Variants in PINX1 observed in about 807,000 individuals in gnomAD.
PINX1 encodes PIN2/TERF1-interacting telomerase inhibitor 1.
Under a neutral mutation model 25.4 loss-of-function variants are expected in PINX1, and 34 were observed. The observed-to-expected ratio is 1.34, with a 90% confidence interval of 1.02 to 1.78. The LOEUF (loss-of-function observed/expected upper bound fraction) is 1.78, where lower values mean the gene tolerates loss of function less well. PINX1 is among the 40% of genes most tolerant of loss of function. The pLI, the probability that PINX1 is intolerant of heterozygous loss-of-function variation, is 0.00. For missense variants in PINX1, 592 were observed against 404.9 expected (o/e 1.46, Z -3.97); for synonymous variants, 197 against 147.7 (o/e 1.33, Z -2.42).
chr8:10,839,709 T>C, intron 1 of PINX1, 29 bp downstream of exon 1: 33 of 1,597,458 alleles, frequency 2.1e-5, no homozygotes, highest in Non-Finnish European at 2.8e-5. Flanking sequence ...CCAACGCGCC[T>C]GGGTCGGGCC....
At chr8:10,829,201 G>C (rs552706128) in intron 4 of PINX1, among the ~76,000 whole-genome samples, 3 of 149,552 alleles carry the variant, frequency 2.0e-5, no homozygotes, top group African/African-American at 7.4e-5. Flanking sequence ...CAGGAGAATC[G>C]CTTGAACCCG....
intron 6 of PINX1, among the ~76,000 whole-genome samples, chr8:10,801,206 G>C (rs73208757): frequency 3.9e-5 from 6 of 152,094 alleles, no homozygotes; most frequent in African/African-American, 1.2e-4. Context: ...GGAAGGAAGG[G>C]GGAAGTGAAT....
intron 6 of PINX1, among the ~76,000 whole-genome samples, chr8:10,813,887 T>C: frequency 9.7e-6 from 1 of 103,572 alleles, no homozygotes; most frequent in South Asian, 3.1e-4. Flanking sequence ...ACTGGGAAGG[T>C]GGGGGAGGGA....
intron 6 of PINX1, among the ~76,000 whole-genome samples, chr8:10,818,046 C>A (rs1364989606): frequency 1.3e-5 from 2 of 152,240 alleles, no homozygotes; most frequent in South Asian, 4.1e-4. Context: ...TTGTTTAAAG[C>A]TCATTAGGCA....
chr8:10,823,855 C>A (rs908900785), intron 5 of PINX1, among the ~76,000 whole-genome samples: 2 of 152,090 alleles, frequency 1.3e-5, no homozygotes, highest in African/African-American at 4.8e-5. Context: ...AATGATACAG[C>A]TGATATTTAG....
At chr8:10,810,407 C>T (rs1797460974) in intron 6 of PINX1, among the ~76,000 whole-genome samples, 1 of 152,166 alleles carries the variant, frequency 6.6e-6, no homozygotes, top group African/African-American at 2.4e-5. Flanking sequence ...GAACTCCTAC[C>T]CTTCAGGCCT....
At position 10,831,553 on chromosome 8, in the gene PINX1, C is replaced by T. The variant is rs1274060318; in HGVS notation, c.301+112G>A. On this transcript the variant is annotated intron_variant, in intron 4 of 6. Coordinates refer to ENST00000314787, the MANE Select transcript of PINX1 (RefSeq NM_017884.6). ...TGTGCACAGGTATTGACATATCACACTATACTCAATAAATATGTATAATTA... is the reference window on the plus strand; with the variant it reads ...TGTGCACAGGTATTGACATATCACATTATACTCAATAAATATGTATAATTA... 5.6e-6 allele frequency: 4 copies of T among 713,950 alleles called. No individual in the cohort carries two copies. The East Asian group carries it at 8.1e-5, about 14-fold the overall frequency. The allele number at this position is 713,950 out of a possible 1,614,324, so 44.2% of individuals were successfully genotyped here. A position where few individuals can be genotyped will look rare whatever the true frequency, so the allele number is the denominator to read the frequency against.
rs373709293 is a variant in PINX1 at position 10,766,638 on chromosome 8, A to G, written c.472-722T>C. Among the ~76,000 whole-genome samples the G allele has an allele frequency of 1.6e-4, 24 of 152,320 alleles. No homozygotes were observed. The East Asian group carries it at 2.7e-3, about 17-fold the overall frequency. ...GAGAAATGCCCCCTCCTTCCCTAAC[A>G]AAAACTGTATACTCGGGACTGTGTT... On this transcript the variant is annotated intron_variant, in intron 6 of 6. Transcript: ENST00000314787.
chr8:10,811,504 G>A (rs1014894884), intron 6 of PINX1, among the ~76,000 whole-genome samples: 4 of 152,178 alleles, frequency 2.6e-5, no homozygotes, highest in Admixed American at 2.0e-4. Context: ...GACACTCAGT[G>A]GCTTCAAACA....
intron 6 of PINX1, among the ~76,000 whole-genome samples, chr8:10,809,568 A>G (rs1802561705): frequency 6.6e-6 from 1 of 152,214 alleles, no homozygotes; most frequent in South Asian, 2.1e-4. Context: ...CACTCCAGCC[A>G]GCCAATATCC....
At chr8:10,825,311 G>T in intron 5 of PINX1, 1 of 534,228 alleles carries the variant, frequency 1.9e-6, no homozygotes, top group South Asian at 1.4e-5. Context: ...GCTGTTCCTG[G>T]CATATCAAGG....
intron 6 of PINX1, among the ~76,000 whole-genome samples, chr8:10,788,188 G>A (rs1019630900): frequency 6.6e-6 from 1 of 152,190 alleles, no homozygotes; most frequent in Non-Finnish European, 1.5e-5. Context: ...GTTAAGCTGG[G>A]TACTGGGCAC....
chr8:10,796,573 C>T (rs1321409983), intron 6 of PINX1, among the ~76,000 whole-genome samples: 1 of 152,104 alleles, frequency 6.6e-6, no homozygotes, highest in Non-Finnish European at 1.5e-5. Context: ...AATAGATTTC[C>T]TTTAAAAGAT....
At chr8:10,775,809 AG>A (rs908115452) in intron 6 of PINX1, among the ~76,000 whole-genome samples, 1 of 152,222 alleles carries the variant, frequency 6.6e-6, no homozygotes, top group South Asian at 2.1e-4. Context: ...TTTGCAAGAC[AG>A]GGAAATAGGG....
chr8:10,773,265 G>A (rs1377131759), intron 6 of PINX1, among the ~76,000 whole-genome samples: 2 of 152,148 alleles, frequency 1.3e-5, no homozygotes, highest in East Asian at 1.9e-4. Context: ...ACTGGAGGAC[G>A]CTGGGCTTTG....
At chr8:10,781,216 C>A (rs569457337) in intron 6 of PINX1, among the ~76,000 whole-genome samples, 1 of 152,248 alleles carries the variant, frequency 6.6e-6, no homozygotes, top group South Asian at 2.1e-4. Context: ...GGATTAAAGA[C>A]CTAAACATAA....
chr8:10,820,129 C>G (rs372256490), intron 6 of PINX1, 64 bp downstream of exon 6: 1 of 1,031,508 alleles, frequency 9.7e-7, no homozygotes. Flanking sequence ...AGAAACAGTC[C>G]TATACACAGG....
At chr8:10,831,611 A>T in intron 4 of PINX1, 54 bp downstream of exon 4, 1 of 1,142,080 alleles carries the variant, frequency 8.8e-7, no homozygotes. Flanking sequence ...AGCAAAAAAC[A>T]AAAAGTAGAT....
At chr8:10,771,371 T>C (rs1284242872) in intron 6 of PINX1, 4 of 152,238 alleles carry the variant, frequency 2.6e-5, no homozygotes, top group Non-Finnish European at 5.9e-5. Flanking sequence ...CGTGCATCAC[T>C]TTCTTGAAGA....
Sources: gnomAD v4.1 joint callset for allele counts (sites outside exome capture counted in the v4.1 genomes callset) on GRCh38, gnomAD v4.1.1 for gene constraint, MANE v1.5 for transcripts, NCBI Gene and HGNC (gene_info 2026-07-23, HGNC 2026-07-21) for gene names.